Variants in DHRSX observed in about 807,000 individuals in gnomAD.
DHRSX encodes polyprenol dehydrogenase.
In DHRSX, 31 loss-of-function variants were observed where a neutral mutation model predicts 34.0. The observed-to-expected ratio is 0.91, with a 90% CI of 0.69 to 1.23. The LOEUF (loss-of-function observed/expected upper bound fraction) is 1.23, where lower values mean the gene tolerates loss of function less well. DHRSX is among the 50% of genes most tolerant of loss of function. DHRSX has a pLI of 0.00. For synonymous variants in DHRSX, 201 were observed against 183.8 expected (o/e 1.09, Z -0.76); for missense variants, 414 against 428.1 (o/e 0.97, Z 0.29).
Position 2,291,581 on chromosome X carries a change from C to T in DHRSX, c.309G>A (p.Leu103=), listed in dbSNP as rs138468877. Residue 103 remains leucine, a synonymous_variant, in exon 4 of 7, where the codon TTG becomes TTA. Coordinates refer to ENST00000334651, the MANE Select transcript of DHRSX (RefSeq NM_145177.3). ...ACTGCCGGATGGAAGTCATGGAAGC[C>T]AAGTCACAGTATAAAAATTCCACTG... ...NDKVEFLYCD[L]ASMTSIRQFV... 172 of 1,613,864 alleles carry T rather than the reference C, an allele frequency of 1.1e-4. No homozygotes were observed. The highest frequency in any genetic ancestry group is 1.4e-4 in the Non-Finnish European group (162 of 1,179,786).
At chrX:2,448,094 T>C (rs193300698) in intron 1 of DHRSX, among the ~76,000 whole-genome samples, 3 of 149,650 alleles carry the variant, frequency 2.0e-5, no homozygotes, top group Admixed American at 2.0e-4. Context: ...TCCCAGCTAC[T>C]TGGGAGGCTG....
intron 3 of DHRSX, among the ~76,000 whole-genome samples, chrX:2,301,485 G>A (rs528490479): frequency 3.3e-5 from 5 of 152,160 alleles, no homozygotes; most frequent in Admixed American, 6.5e-5. Flanking sequence ...ACATTTCCAC[G>A]AGGTGTCTCT....
chrX:2,338,026 G>A (rs916459177), intron 3 of DHRSX: 5 of 144,132 alleles, frequency 3.5e-5, no homozygotes, highest in Non-Finnish European at 6.0e-5. Context: ...AAAAAAGCTG[G>A]AATCATTTAG....
chrX:2,243,733 C>A (rs1288807227), intron 5 of DHRSX, among the ~76,000 whole-genome samples: 1 of 150,826 alleles, frequency 6.6e-6, no homozygotes, highest in East Asian at 1.9e-4. Context: ...AAATTATCCA[C>A]CCGCTTCAGC....
intron 4 of DHRSX, among the ~76,000 whole-genome samples, chrX:2,274,979 A>G (rs1415741054): frequency 2.0e-5 from 3 of 152,238 alleles, no homozygotes; most frequent in South Asian, 4.2e-4. Flanking sequence ...GGAGGCCATT[A>G]TCATGGCCTA....
chrX:2,273,405 T>A (rs1270719491), intron 4 of DHRSX, among the ~76,000 whole-genome samples: 1 of 152,134 alleles, frequency 6.6e-6, no homozygotes, highest in Admixed American at 6.5e-5. Flanking sequence ...GTAACTTGGA[T>A]AGAACTGGAG....
chrX:2,246,618 G>C (rs1260627763), intron 5 of DHRSX, among the ~76,000 whole-genome samples: 3 of 147,794 alleles, frequency 2.0e-5, no homozygotes, highest in African/African-American at 7.5e-5. Context: ...GTGAAAGTCT[G>C]TCAAAAAAAG....
chrX:2,327,380 A>G (rs2042399743), intron 3 of DHRSX, among the ~76,000 whole-genome samples: 1 of 152,226 alleles, frequency 6.6e-6, no homozygotes, highest in South Asian at 2.1e-4. Flanking sequence ...CAAGGGAGGC[A>G]GAGGCAGAAA....
chrX:2,314,683 GT>G (rs1416599777), intron 3 of DHRSX, among the ~76,000 whole-genome samples: 1 of 151,948 alleles, frequency 6.6e-6, no homozygotes, highest in African/African-American at 2.4e-5. Flanking sequence ...GATATATAGG[GT>G]TAAATAAAAC....
At chrX:2,357,987 G>C (rs1291319109) in intron 3 of DHRSX, among the ~76,000 whole-genome samples, 1 of 152,146 alleles carries the variant, frequency 6.6e-6, no homozygotes, top group Non-Finnish European at 1.5e-5. Context: ...AAACTAATTA[G>C]AGATTGGGAC....
At chrX:2,298,909 T>C (rs1286692221) in intron 3 of DHRSX, among the ~76,000 whole-genome samples, 2 of 138,458 alleles carry the variant, frequency 1.4e-5, no homozygotes, top group Admixed American at 8.4e-5. Flanking sequence ...CACTTGAACC[T>C]GGGAGGCAGA....
At chrX:2,313,373 T>G (rs2042187124) in intron 3 of DHRSX, among the ~76,000 whole-genome samples, 1 of 151,196 alleles carries the variant, frequency 6.6e-6, no homozygotes, top group Non-Finnish European at 1.5e-5. Context: ...ATTTTTTTTT[T>G]ACTTATTATT....
intron 1 of DHRSX, among the ~76,000 whole-genome samples, chrX:2,471,299 G>C (rs776115117): frequency 6.6e-6 from 1 of 152,262 alleles, no homozygotes; most frequent in East Asian, 1.9e-4. Context: ...GGCTGGGCGC[G>C]GTCACGCCTG....
At chrX:2,353,509 C>T (rs1410788209) in intron 3 of DHRSX, among the ~76,000 whole-genome samples, 2 of 151,760 alleles carry the variant, frequency 1.3e-5, no homozygotes, top group African/African-American at 4.8e-5. Context: ...AGAAGTCATT[C>T]ATCTTTTGGG....
intron 3 of DHRSX, among the ~76,000 whole-genome samples, chrX:2,380,611 G>A (rs2043191916): frequency 6.6e-6 from 1 of 152,100 alleles, no homozygotes; most frequent in Admixed American, 6.6e-5. Flanking sequence ...CCTGGTGGGA[G>A]GTGATTGGAT....
rs866622339 is a variant in DHRSX, at chrX:2,485,788, G to A, written c.109+15029C>T. 3.7e-4 allele frequency among the ~76,000 whole-genome samples: 4 copies of A among 10,934 alleles called. 1 individual carries two copies. The highest frequency in any genetic ancestry group is 6.2e-4 in the Non-Finnish European group (4 of 6,470). 7.2% of individuals were successfully genotyped at this position (10,934 alleles called of 152,430 possible). A position where few individuals can be genotyped will look rare whatever the true frequency, so the allele number is the denominator to read the frequency against. On this transcript the variant is annotated intron_variant, in intron 1 of 6. Transcript: ENST00000334651. ...AGAAGGAAGGAAGGGAGAAAAGGGA[G>A]AGAAGGGAGAGAAGGAAGGAAGGGA...
Position 2,393,671 on chromosome X carries a change from C to T in DHRSX, c.286+15074G>A, listed in dbSNP as rs28542409. Among the ~76,000 whole-genome samples the T allele has an allele frequency of 1.1e-3, 58 of 50,884 alleles. No individual in the cohort carries two copies. In the Middle Eastern group the frequency reaches 0.043, roughly 38 times the overall value. The allele number at this position is 50,884 out of a possible 152,430, so 33.4% of individuals were successfully genotyped here. A position where few individuals can be genotyped will look rare whatever the true frequency, so the allele number is the denominator to read the frequency against. ...GACCTCCCCGTCTCCTCCGCACACACGACACACAGGGACCTCCCTGTCTCC... is the reference window on the plus strand; with the variant it reads ...GACCTCCCCGTCTCCTCCGCACACATGACACACAGGGACCTCCCTGTCTCC... On this transcript the variant is annotated intron_variant, in intron 3 of 6. Coordinates refer to ENST00000334651, the MANE Select transcript of DHRSX (RefSeq NM_145177.3).
chrX:2,324,769 C>CTTTTT (rs570670358), intron 3 of DHRSX, among the ~76,000 whole-genome samples: 9 of 131,028 alleles, frequency 6.9e-5, no homozygotes, highest in African/African-American at 1.4e-4. Flanking sequence ...TTTTTCTTTT[C>CTTTTT]TTTTTTTTTT....
At chrX:2,318,898 G>C (rs1215114974) in intron 3 of DHRSX, among the ~76,000 whole-genome samples, 6 of 152,008 alleles carry the variant, frequency 3.9e-5, no homozygotes, top group Non-Finnish European at 8.8e-5. Context: ...CTTGGGGTCA[G>C]GATCAAGACC....
Sources: allele counts gnomAD v4.1 joint callset (sites outside exome capture counted in the v4.1 genomes callset), GRCh38; gene constraint gnomAD v4.1.1; transcripts MANE v1.5; gene names NCBI Gene and HGNC (gene_info 2026-07-23, HGNC 2026-07-21).